The following TENM1 variants were observed in gnomAD, a reference collection of about 807,000 sequenced individuals.
TENM1 encodes teneurin transmembrane protein 1.
Under a neutral mutation model 174.8 loss-of-function variants are expected in TENM1, and 35 were observed. The observed-to-expected ratio is 0.20, with a 90% confidence interval of 0.15 to 0.27. The LOEUF is 0.27. TENM1 is among the 10% of genes least tolerant of loss of function. TENM1 has a pLI of 1.00. For missense variants in TENM1, 1,633 were observed against 2,130.1 expected (o/e 0.77, Z 4.59); for synonymous variants, 781 against 798.7 (o/e 0.98, Z 0.37).
the TENM1 span, among the ~76,000 whole-genome samples, chrX:125,023,328 AC>A: frequency 9.0e-6 from 1 of 110,986 alleles, no homozygotes; most frequent in South Asian, 3.8e-4. Context: ...CTTCTCCTCC[AC>A]CTTCCACGAT....
the TENM1 span, among the ~76,000 whole-genome samples, chrX:124,981,218 C>T: frequency 9.0e-6 from 1 of 111,538 alleles, no homozygotes; most frequent in Non-Finnish European, 1.9e-5. Flanking sequence ...GGTCACAAAG[C>T]AAGGCAATAG....
rs202084251 is a variant in TENM1 at position 124,708,839 on chromosome X, T to TA, written c.777-3589dup. Among the ~76,000 whole-genome samples, 507 of 110,154 alleles carry TA rather than the reference T, an allele frequency of 4.6e-3. 2 individuals carry two copies. Among genetic ancestry groups the TA allele is most frequent in the African/African-American group, 0.016 (491 of 30,363 alleles). ...GCTTGTATTGATTTTGTAACTAAGA[T>TA]AAAAAAAAAGATTCATGAGTATTAG... On this transcript the variant is annotated intron_variant, in intron 4 of 31. Coordinates refer to ENST00000422452, the Ensembl canonical transcript of TENM1.
intron 10 of TENM1, among the ~76,000 whole-genome samples, chrX:124,642,625 G>A (rs151185343): frequency 1.3e-3 from 143 of 111,811 alleles, no homozygotes; most frequent in African/African-American, 4.6e-3. Flanking sequence ...CGGTGACATA[G>A]TTTTCAGTGT....
chrX:125,059,960 C>T, the TENM1 span, among the ~76,000 whole-genome samples: 1 of 108,781 alleles, frequency 9.2e-6, no homozygotes, highest in Admixed American at 9.8e-5. Context: ...TCCATAATGC[C>T]TTCAATTGGT....
At chrX:124,733,429 T>C (rs752635661) in intron 4 of TENM1, among the ~76,000 whole-genome samples, 9 of 112,110 alleles carry the variant, frequency 8.0e-5, no homozygotes, top group Non-Finnish European at 1.7e-4. Flanking sequence ...AATTGTGTAG[T>C]GCTTTACAGT....
chrX:124,781,441 TTA>T (rs1230795170), intron 3 of TENM1, among the ~76,000 whole-genome samples: 1 of 111,837 alleles, frequency 8.9e-6, no homozygotes, highest in African/African-American at 3.2e-5. Flanking sequence ...CTCAGATAGA[TTA>T]AAAACTCCTT....
rs747340266 is a variant in TENM1, at chrX:124,877,102, A to T, written c.535+17194T>A. Among the ~76,000 whole-genome samples, 32 of 112,433 alleles carry T rather than the reference A, an allele frequency of 2.8e-4. 1 individual carries two copies. In the Middle Eastern group the frequency reaches 0.018, roughly 65 times the overall value. ...CAGAATCAATAAAGGACATCCAGTT[A>T]AAAAATTATAATTATTTATTTTGAA... On this transcript the variant is annotated intron_variant, in intron 3 of 31. Coordinates refer to ENST00000422452, the Ensembl canonical transcript of TENM1.
chrX:125,039,329 G>GT, the TENM1 span, among the ~76,000 whole-genome samples: 1 of 110,981 alleles, frequency 9.0e-6, no homozygotes, highest in African/African-American at 3.3e-5. Context: ...AACCCAAATG[G>GT]TGGGAATTTT....
chrX:125,100,051 C>A, the TENM1 span, among the ~76,000 whole-genome samples: 16 of 111,366 alleles, frequency 1.4e-4, no homozygotes, highest in African/African-American at 4.9e-4. Flanking sequence ...TCCAATTTGG[C>A]AAGGTAGACA....
chrX:124,658,707 A>G lies in TENM1; in HGVS notation c.1169-4924T>C, dbSNP rs975432281. Among the ~76,000 whole-genome samples, 3 of 112,331 alleles carry G rather than the reference A, an allele frequency of 2.7e-5. No individual in the cohort carries two copies. In the Admixed American group the frequency reaches 2.8e-4, roughly 11 times the overall value. ...TTAACTAATCTTACAATTGAGAAATACATTACTTGTATAAGTGTAAACAAT... is the reference window on the plus strand; with the variant it reads ...TTAACTAATCTTACAATTGAGAAATGCATTACTTGTATAAGTGTAAACAAT... On this transcript the variant is annotated intron_variant, in intron 6 of 31. Coordinates refer to ENST00000422452, the Ensembl canonical transcript of TENM1.
chrX:124,755,416 C>T (rs2054205319), intron 3 of TENM1, among the ~76,000 whole-genome samples: 1 of 111,173 alleles, frequency 9.0e-6, no homozygotes, highest in South Asian at 3.9e-4. Flanking sequence ...GAATACAGCA[C>T]ACTGATGGGT....
At chrX:124,808,697 T>C (rs1375949937) in intron 3 of TENM1, among the ~76,000 whole-genome samples, 4 of 111,485 alleles carry the variant, frequency 3.6e-5, no homozygotes, top group Non-Finnish European at 5.7e-5. Flanking sequence ...CACAAATACA[T>C]GGAAATCAAG....
chrX:124,811,710 C>T (rs895673348), intron 3 of TENM1, among the ~76,000 whole-genome samples: 1 of 111,605 alleles, frequency 9.0e-6, no homozygotes, highest in African/African-American at 3.2e-5. Context: ...GAGATATCTA[C>T]ACTCCCATGT....
chrX:124,595,926 T>C (rs2049880164), intron 11 of TENM1, among the ~76,000 whole-genome samples: 1 of 112,129 alleles, frequency 8.9e-6, no homozygotes, highest in Non-Finnish European at 1.9e-5. Context: ...TGAAAACTAA[T>C]ATAGTTTAGC....
At chrX:124,529,457 C>T (rs1021517671) in intron 16 of TENM1, among the ~76,000 whole-genome samples, 2 of 111,566 alleles carry the variant, frequency 1.8e-5, no homozygotes, top group African/African-American at 6.5e-5. Context: ...AAAGCTTCTC[C>T]ATTAATGTGG....
intron 23 of TENM1, among the ~76,000 whole-genome samples, chrX:124,446,278 T>C (rs1359838035): frequency 8.9e-6 from 1 of 112,596 alleles, no homozygotes; most frequent in African/African-American, 3.2e-5. Flanking sequence ...AATAACTCTA[T>C]GGTCATAGCA....
upstream of TENM1, among the ~76,000 whole-genome samples, chrX:124,967,086 G>A (rs114644680): frequency 6.3e-5 from 7 of 111,871 alleles, no homozygotes; most frequent in African/African-American, 1.9e-4. Flanking sequence ...TAATGTTTGA[G>A]CACTAAAGAT....
the TENM1 span, among the ~76,000 whole-genome samples, chrX:125,031,229 A>T: frequency 6.3e-5 from 7 of 111,268 alleles, no homozygotes; most frequent in African/African-American, 2.3e-4. Flanking sequence ...CTGTTCCTCC[A>T]TTAATTCACC....
chrX:124,487,478 C>A (rs2046977565), intron 20 of TENM1, among the ~76,000 whole-genome samples: 1 of 112,148 alleles, frequency 8.9e-6, no homozygotes. Flanking sequence ...AGTTCTAAGG[C>A]AGATTTTTCA....
Sources: allele counts gnomAD v4.1 joint callset (sites outside exome capture counted in the v4.1 genomes callset), GRCh38; gene constraint gnomAD v4.1.1; transcripts MANE v1.5; gene names NCBI Gene and HGNC (gene_info 2026-07-23, HGNC 2026-07-21).